The following ADGRB1 variants were observed in gnomAD, a reference collection of about 807,000 sequenced individuals.
ADGRB1 encodes the protein brain-specific angiogenesis inhibitor 1.
In ADGRB1, 36 loss-of-function variants were observed where a neutral mutation model predicts 175.7. That is an observed-to-expected ratio of 0.20 (90% confidence interval 0.16 to 0.27). ADGRB1 has a LOEUF of 0.27. ADGRB1 is among the 10% of genes least tolerant of loss of function. ADGRB1 has a pLI of 1.00. For missense variants in ADGRB1, 1,731 were observed against 2,255.3 expected (o/e 0.77, Z 4.71); for synonymous variants, 1,054 against 979.4 (o/e 1.08, Z -1.42).
chr8:142,470,749 C>T (rs1455077518), intron 2 of ADGRB1, among the ~76,000 whole-genome samples: 1 of 152,144 alleles, frequency 6.6e-6, no homozygotes, highest in African/African-American at 2.4e-5. Context: ...TACTGCTGGC[C>T]GAGGGGCTGT....
chr8:142,497,119 T>C (rs562945117), intron 17 of ADGRB1, among the ~76,000 whole-genome samples: 6 of 152,210 alleles, frequency 3.9e-5, no homozygotes, highest in Admixed American at 2.0e-4. Flanking sequence ...ATTAACCGAT[T>C]TTACAGCTGA....
intron 25 of ADGRB1, among the ~76,000 whole-genome samples, chr8:142,534,031 TC>T (rs894789924): frequency 3.3e-5 from 5 of 152,044 alleles, no homozygotes; most frequent in Non-Finnish European, 5.9e-5. Flanking sequence ...GGCGGCCACC[TC>T]CCCCTTCCTG....
chr8:142,536,938 C>A, intron 25 of ADGRB1, 49 bp from the exon 26 acceptor site: 1 of 1,484,366 alleles, frequency 6.7e-7, no homozygotes, highest in Non-Finnish European at 9.1e-7. Context: ...GGCGCTGGCG[C>A]AGGGTGGGGG....
At position 142,492,001 on chromosome 8, in the gene ADGRB1, CAG is replaced by C. The variant is rs1192823476; in HGVS notation, c.2675+1187_2675+1188del. On this transcript the variant is annotated intron_variant, in intron 17 of 30. Coordinates refer to ENST00000517894, the MANE Select transcript of ADGRB1 (RefSeq NM_001702.3). This position sits in a 1 kb window ranked among gnomAD's most constrained non-coding sequence, Gnocchi z 4.4. ...GAGCAGGCAGAGGCAGGCAGGGGCT[CAG>C]GGGAGGCCGCGGCAGGGTGAGGACA... Among the ~76,000 whole-genome samples the C allele has an allele frequency of 1.3e-5, 2 of 151,980 alleles. No individual in the cohort carries two copies.
chr8:142,524,390 A>G, intron 23 of ADGRB1, 86 bp downstream of exon 23: 1 of 1,383,646 alleles, frequency 7.2e-7, no homozygotes, highest in Admixed American at 2.1e-5. Context: ...CTCATGCCCC[A>G]GGCTGTGCAC....
intron 9 of ADGRB1, 75 bp downstream of exon 9, chr8:142,479,869 T>A: frequency 1.4e-6 from 2 of 1,463,620 alleles, no homozygotes; most frequent in Non-Finnish European, 9.3e-7. Context: ...TGAGGTGCTG[T>A]CAGCACTGGG....
chr8:142,452,971 C>T (rs1252798392), intron 1 of ADGRB1, among the ~76,000 whole-genome samples: 6 of 147,974 alleles, frequency 4.1e-5, no homozygotes, highest in Admixed American at 4.0e-4. Flanking sequence ...GTCTCCTCCG[C>T]GCCTGGCCCG....
At chr8:142,475,224 C>A (rs1003661136) in intron 2 of ADGRB1, among the ~76,000 whole-genome samples, 7 of 152,302 alleles carry the variant, frequency 4.6e-5, no homozygotes, top group Admixed American at 2.0e-4. Context: ...ATCATCCTGG[C>A]GGCAAACCTG....
intron 3 of ADGRB1, 43 bp downstream of exon 3, chr8:142,475,678 G>A (rs1294062739): frequency 3.3e-6 from 4 of 1,222,796 alleles, no homozygotes; most frequent in Non-Finnish European, 3.1e-6. Flanking sequence ...CCCTGGAGAG[G>A]CGGGGCCTGT....
At chr8:142,487,218 T>C (rs1023645332) in intron 13 of ADGRB1, among the ~76,000 whole-genome samples, 1 of 152,110 alleles carries the variant, frequency 6.6e-6, no homozygotes, top group Non-Finnish European at 1.5e-5. Flanking sequence ...CGCCCCTCGA[T>C]GACCCTGTGT....
In ADGRB1 at chr8:142,474,362, G is replaced by C. The variant is rs1158788551; in HGVS notation, c.785-1112G>C. Reference sequence around the variant, plus strand: ...GGTCCCCTCGTGGTGGCCGCCAGCTGTCTCCTCGCCACCGTAGCCAGGAGC... The same window carrying C: ...GGTCCCCTCGTGGTGGCCGCCAGCTCTCTCCTCGCCACCGTAGCCAGGAGC... On this transcript the variant is annotated intron_variant, in intron 2 of 30. Transcript: ENST00000517894. This position sits in a 1 kb window ranked among gnomAD's most constrained non-coding sequence, Gnocchi z 5.8. Among the ~76,000 whole-genome samples, 1 of 152,170 alleles carries C rather than the reference G, an allele frequency of 6.6e-6. No individual in the cohort carries two copies. Among genetic ancestry groups the C allele is most frequent in the African/African-American group, 2.4e-5 (1 of 41,448 alleles).
At position 142,516,637 on chromosome 8, in the gene ADGRB1, T is replaced by C. The variant is rs551254042; in HGVS notation, c.2818-1501T>C. Among the ~76,000 whole-genome samples, 311 of 107,194 alleles carry C rather than the reference T, an allele frequency of 2.9e-3. 2 individuals carry two copies. The highest frequency in any genetic ancestry group is 0.012 in the African/African-American group (291 of 24,618). 70.3% of individuals were successfully genotyped at this position (107,194 alleles called of 152,430 possible). A position where few individuals can be genotyped will look rare whatever the true frequency, so the allele number is the denominator to read the frequency against. On this transcript the variant is annotated intron_variant, in intron 18 of 30. Coordinates refer to ENST00000517894, the MANE Select transcript of ADGRB1 (RefSeq NM_001702.3). ...GTGTGTGTGTGTGCATGTGTGCGGGTCCCAGGTGTGTGTGTGTGTGTGTGT... is the reference window on the plus strand; with the variant it reads ...GTGTGTGTGTGTGCATGTGTGCGGGCCCCAGGTGTGTGTGTGTGTGTGTGT...
rs1316389296 is a variant in ADGRB1 at position 142,533,505 on chromosome 8, G to A, written c.3570+39G>A. 3.2e-6 allele frequency: 5 copies of A among 1,550,792 alleles called. No homozygotes were observed. In the African/African-American group the frequency reaches 5.4e-5, roughly 17 times the overall value. ...CCTCTGTCGGGCCGGGCTCCTGCGG[G>A]GTCCTGGGGCTGCCGAGTGGCCTCC... On this transcript the variant is annotated intron_variant, in intron 25 of 30. Transcript: ENST00000517894.
chr8:142,498,883 C>T (rs904104992), intron 17 of ADGRB1, among the ~76,000 whole-genome samples: 3 of 152,206 alleles, frequency 2.0e-5, no homozygotes, highest in African/African-American at 7.2e-5. Flanking sequence ...GAGGAGGGGA[C>T]AGGTGGGCAT....
At chr8:142,465,260 C>T (rs1055162982) in intron 2 of ADGRB1, among the ~76,000 whole-genome samples, 1 of 152,210 alleles carries the variant, frequency 6.6e-6, no homozygotes, top group African/African-American at 2.4e-5. Flanking sequence ...GTGTGCAGGG[C>T]CAGCCCGGGC....
At chr8:142,469,663 G>A (rs1840534880) in intron 2 of ADGRB1, among the ~76,000 whole-genome samples, 2 of 151,318 alleles carry the variant, frequency 1.3e-5, no homozygotes, top group Middle Eastern at 3.4e-3. Context: ...ACGCAAGTGC[G>A]TGTGTGTGCA....
chr8:142,532,767 C>A (rs1452441402), intron 24 of ADGRB1, among the ~76,000 whole-genome samples: 1 of 152,126 alleles, frequency 6.6e-6, no homozygotes, highest in African/African-American at 2.4e-5. Flanking sequence ...TCGCCTGGGG[C>A]CTGTGGGCTC....
chr8:142,461,176 G>C (rs1169864810), intron 1 of ADGRB1, among the ~76,000 whole-genome samples: 1 of 152,202 alleles, frequency 6.6e-6, no homozygotes, highest in East Asian at 1.9e-4. Context: ...GAGCATGGGC[G>C]GTGACCCGCA....
intron 1 of ADGRB1, among the ~76,000 whole-genome samples, chr8:142,452,842 CCAGGCCCAGGCGGCCGGCGCGGGGCCG>C (rs1243974793): frequency 1.3e-5 from 2 of 151,164 alleles, no homozygotes; most frequent in Non-Finnish European, 3.0e-5. Context: ...CCGCGGGGCT[CCAGGCCCAGGCGGCCGGCGCGGGGCCG>C]CAGTGGCGGA....
Sources: gnomAD v4.1 joint callset for allele counts (sites outside exome capture counted in the v4.1 genomes callset) on GRCh38, gnomAD v4.1.1 for gene constraint, Gnocchi (gnomAD v3.1) non-coding constraint, MANE v1.5 for transcripts, NCBI Gene and HGNC (gene_info 2026-07-23, HGNC 2026-07-21) for gene names.